Variants in PCGF5 observed in about 807,000 individuals in gnomAD.
PCGF5 encodes polycomb group RING finger protein 5.
In PCGF5, 9 loss-of-function variants were observed where a neutral mutation model predicts 44.3. The ratio of observed to expected loss-of-function variants is 0.20; its 90% CI spans 0.12 to 0.35. The LOEUF is 0.35. Among genes scored for constraint, PCGF5 ranks in the 10% least tolerant of loss-of-function variants. PCGF5 has a pLI of 1.00. For missense variants in PCGF5, 146 were observed against 305.3 expected, an observed-to-expected ratio of 0.48 and a Z score of 3.89; for synonymous variants, 95 against 102.5, an observed-to-expected ratio of 0.93 and a Z score of 0.44.
intron 1 of PCGF5, among the ~76,000 whole-genome samples, chr10:91,168,301 A>G (rs1007678244): frequency 6.6e-6 from 1 of 152,166 alleles, no homozygotes; most frequent in Admixed American, 6.5e-5. Flanking sequence ...CTGAGAAGAA[A>G]GAAGCAGGAG....
the PCGF5 span, among the ~76,000 whole-genome samples, chr10:91,156,789 T>C: frequency 6.6e-6 from 1 of 152,212 alleles, no homozygotes; most frequent in Non-Finnish European, 1.5e-5. Context: ...TTATCAAGAA[T>C]TATCCATCTC....
chr10:91,205,054 T>A (rs1220399349), intron 1 of PCGF5, among the ~76,000 whole-genome samples: 2 of 152,200 alleles, frequency 1.3e-5, no homozygotes, highest in Non-Finnish European at 2.9e-5. Flanking sequence ...TAAACTAAGT[T>A]ATATGTAACA....
At chr10:91,163,601 G>T (rs987237043) in intron 1 of PCGF5, among the ~76,000 whole-genome samples, 2 of 152,112 alleles carry the variant, frequency 1.3e-5, no homozygotes, top group Non-Finnish European at 2.9e-5. Context: ...TAGTTTGGGG[G>T]CCGCTGGCTC....
intron 1 of PCGF5, among the ~76,000 whole-genome samples, chr10:91,164,294 G>A (rs1237526112): frequency 6.6e-6 from 1 of 152,204 alleles, no homozygotes; most frequent in Non-Finnish European, 1.5e-5. Flanking sequence ...AGTGCAAAAG[G>A]GCAGCGGGGT....
intron 6 of PCGF5, among the ~76,000 whole-genome samples, chr10:91,257,571 A>T (rs1845787942): frequency 6.6e-6 from 1 of 152,114 alleles, no homozygotes; most frequent in Admixed American, 6.6e-5. Context: ...GAGATAGCTA[A>T]GTCACTAATG....
At chr10:91,223,213 C>T (rs915336940) in intron 2 of PCGF5, among the ~76,000 whole-genome samples, 1 of 152,086 alleles carries the variant, frequency 6.6e-6, no homozygotes, top group Admixed American at 6.5e-5. Flanking sequence ...GTAAAATATT[C>T]TAAAAATCAT....
chr10:91,214,442 C>T (rs1844506526), intron 1 of PCGF5, among the ~76,000 whole-genome samples: 2 of 152,040 alleles, frequency 1.3e-5, no homozygotes. Context: ...AAATTTCCTC[C>T]AGGGAGGTTG....
chr10:91,189,420 A>G (rs1564629024), intron 1 of PCGF5, among the ~76,000 whole-genome samples: 1 of 152,258 alleles, frequency 6.6e-6, no homozygotes, highest in African/African-American at 2.4e-5. Flanking sequence ...GTAGACACAC[A>G]TAATAATATA....
intron 1 of PCGF5, 92 bp from the exon 2 acceptor site, chr10:91,222,597 T>A: frequency 2.1e-6 from 1 of 482,714 alleles, no homozygotes; most frequent in East Asian, 3.1e-5. Flanking sequence ...ATTGGGAACA[T>A]GTAACACTTG....
At chr10:91,266,914 C>T (rs1846059655) in intron 8 of PCGF5, among the ~76,000 whole-genome samples, 1 of 152,072 alleles carries the variant, frequency 6.6e-6, no homozygotes. Context: ...GGCTCTGTGC[C>T]ACCACCCTTG....
intron 1 of PCGF5, among the ~76,000 whole-genome samples, chr10:91,191,640 A>G (rs529434543): frequency 1.3e-5 from 2 of 152,300 alleles, no homozygotes; most frequent in South Asian, 4.1e-4. Flanking sequence ...GGTGTGTGTT[A>G]TCATAAGCTT....
At chr10:91,260,999 A>G (rs1162470280) in intron 6 of PCGF5, among the ~76,000 whole-genome samples, 1 of 151,466 alleles carries the variant, frequency 6.6e-6, no homozygotes, top group Admixed American at 6.6e-5. Context: ...TAAAAAATAT[A>G]TATATTTTTA....
At chr10:91,174,436 G>C (rs1056044050) in intron 1 of PCGF5, among the ~76,000 whole-genome samples, 1 of 152,120 alleles carries the variant, frequency 6.6e-6, no homozygotes, top group South Asian at 2.1e-4. Context: ...GAACCCAGGA[G>C]GTGGAGATTG....
At chr10:91,240,411 T>C in intron 2 of PCGF5, 73 bp from the exon 3 acceptor site, 1 of 969,504 alleles carries the variant, frequency 1.0e-6, no homozygotes, top group South Asian at 1.6e-5. Context: ...GGTCTGTTTC[T>C]AATTACACTT....
At chr10:91,256,448 A>G (rs147629506) in intron 6 of PCGF5, among the ~76,000 whole-genome samples, 20 of 152,230 alleles carry the variant, frequency 1.3e-4, no homozygotes, top group Non-Finnish European at 2.4e-4. Flanking sequence ...AGAGCTGTAG[A>G]CACCATCAAG....
At chr10:91,270,762 A>AT (rs2133447905) in intron 8 of PCGF5, among the ~76,000 whole-genome samples, 1 of 152,262 alleles carries the variant, frequency 6.6e-6, no homozygotes, top group South Asian at 2.1e-4. Context: ...TGTACCTTAT[A>AT]TTTTTTATGT....
intron 7 of PCGF5, 141 bp downstream of exon 7, chr10:91,261,565 C>G: frequency 9.0e-7 from 1 of 1,108,324 alleles, no homozygotes; most frequent in Non-Finnish European, 1.2e-6. Context: ...ATTTAATTTT[C>G]AGAATGTATT....
chr10:91,196,517 G>T (rs948670658), intron 1 of PCGF5, among the ~76,000 whole-genome samples: 11 of 152,090 alleles, frequency 7.2e-5, no homozygotes, highest in Admixed American at 3.3e-4. Flanking sequence ...TCTTTCCATG[G>T]CTTCACAGTC....
At chr10:91,243,623 CA>C (rs941393145) in intron 3 of PCGF5, among the ~76,000 whole-genome samples, 3 of 152,132 alleles carry the variant, frequency 2.0e-5, no homozygotes, top group Admixed American at 2.0e-4. Flanking sequence ...AGCAATTAGC[CA>C]CATGTGGCTC....
Sources: gnomAD v4.1 joint callset for allele counts (sites outside exome capture counted in the v4.1 genomes callset) on GRCh38, gnomAD v4.1.1 for gene constraint, MANE v1.5 for transcripts, NCBI Gene and HGNC (gene_info 2026-07-23, HGNC 2026-07-21) for gene names.